Variants in ATP6V1E1 observed in about 807,000 individuals in gnomAD.
ATP6V1E1 encodes V-type proton ATPase subunit E 1.
Under a neutral mutation model 35.2 loss-of-function variants are expected in ATP6V1E1, and 21 were observed. That is an observed-to-expected ratio of 0.60 (90% confidence interval 0.42 to 0.86). The LOEUF is 0.86. ATP6V1E1 is among the 40% of genes least tolerant of loss of function. The pLI, the probability that ATP6V1E1 is intolerant of heterozygous loss-of-function variation, is 0.00. For synonymous variants in ATP6V1E1, 83 were observed against 87.8 expected (o/e 0.95, Z 0.30); for missense variants, 183 against 272.6 (o/e 0.67, Z 2.32).
chr22:17,604,385 A>T (rs920542601), intron 4 of ATP6V1E1, among the ~76,000 whole-genome samples: 4 of 152,172 alleles, frequency 2.6e-5, no homozygotes, highest in Admixed American at 2.6e-4. Context: ...ACTGAACCTA[A>T]CTGCCCTGAG....
rs2057744006 is a variant in ATP6V1E1 at position 17,598,388 on chromosome 22, C to T, written c.436-100G>A. 3 of 966,970 alleles carry T rather than the reference C, an allele frequency of 3.1e-6. No homozygotes were observed. In the Admixed American group the frequency reaches 6.3e-5, roughly 20 times the overall value. 59.9% of individuals were successfully genotyped at this position (966,970 alleles called of 1,614,324 possible). A position where few individuals can be genotyped will look rare whatever the true frequency, so the allele number is the denominator to read the frequency against. On this transcript the variant is annotated intron_variant, in intron 6 of 8. Transcript: ENST00000253413. ...CAAGCAAGGATACCTCCATTTATCC[C>T]AGGTAAAAGAACAGAGGCACCGCTG...
chr22:17,600,418 C>CA (rs1162322824), intron 5 of ATP6V1E1, among the ~76,000 whole-genome samples: 13 of 152,080 alleles, frequency 8.5e-5, no homozygotes, highest in Non-Finnish European at 1.5e-5. Flanking sequence ...GCCTGGCTGA[C>CA]AGAGTGAGAC....
intron 8 of ATP6V1E1, among the ~76,000 whole-genome samples, chr22:17,593,771 C>A (rs1029054229): frequency 6.6e-6 from 1 of 152,180 alleles, no homozygotes; most frequent in African/African-American, 2.4e-5. Flanking sequence ...GCAGCCACAG[C>A]AATAGACTCC....
At chr22:17,610,124 TA>T (rs11438713) in intron 4 of ATP6V1E1, among the ~76,000 whole-genome samples, 4 of 151,296 alleles carry the variant, frequency 2.6e-5, no homozygotes, top group African/African-American at 9.7e-5. Context: ...CCATGCCTCT[TA>T]AAAAAAAATT....
chr22:17,596,098 C>CTCCA (rs757247634), intron 7 of ATP6V1E1, among the ~76,000 whole-genome samples: 23 of 151,952 alleles, frequency 1.5e-4, no homozygotes, highest in Non-Finnish European at 2.9e-4. Context: ...TGCCACTGCA[C>CTCCA]TCCAGCCTGG....
At chr22:17,620,176 C>T (rs2057868663) in intron 1 of ATP6V1E1, among the ~76,000 whole-genome samples, 2 of 145,402 alleles carry the variant, frequency 1.4e-5, no homozygotes, top group Admixed American at 7.0e-5. Context: ...GAGACAGAGT[C>T]TCGCTCTGCC....
intron 1 of ATP6V1E1, among the ~76,000 whole-genome samples, chr22:17,624,170 T>C (rs1001719927): frequency 6.6e-6 from 1 of 152,186 alleles, no homozygotes; most frequent in African/African-American, 2.4e-5. Flanking sequence ...CTTATGAGAA[T>C]ACAGTAAACA....
chr22:17,617,921 C>T (rs973022378), intron 2 of ATP6V1E1, among the ~76,000 whole-genome samples: 1 of 152,130 alleles, frequency 6.6e-6, no homozygotes, highest in Non-Finnish European at 1.5e-5. Flanking sequence ...GCGATTCTCC[C>T]GCCTCAGCCT....
intron 8 of ATP6V1E1, 84 bp from the exon 9 acceptor site, chr22:17,592,820 TGAG>T (rs2057711124): frequency 9.7e-7 from 1 of 1,025,906 alleles, no homozygotes; most frequent in African/African-American, 1.8e-5. Flanking sequence ...TTTTTTTTTT[TGAG>T]ACGGAGTCTC....
chr22:17,603,843 C>T (rs1369153498), intron 4 of ATP6V1E1, among the ~76,000 whole-genome samples: 2 of 152,104 alleles, frequency 1.3e-5, no homozygotes, highest in Non-Finnish European at 1.5e-5. Flanking sequence ...CCAAAAGAGC[C>T]CTCTAACATT....
At chr22:17,626,905 G>A (rs2057909391) in intron 1 of ATP6V1E1, among the ~76,000 whole-genome samples, 1 of 151,814 alleles carries the variant, frequency 6.6e-6, no homozygotes, top group African/African-American at 2.4e-5. Flanking sequence ...GAACTCCTGG[G>A]ATCAAGCGAT....
At chr22:17,614,672 A>AG (rs1291153331) in intron 2 of ATP6V1E1, among the ~76,000 whole-genome samples, 1 of 151,474 alleles carries the variant, frequency 6.6e-6, no homozygotes, top group Non-Finnish European at 1.5e-5. Flanking sequence ...ACTCTTAAAA[A>AG]AAAAAAAAAA....
intron 2 of ATP6V1E1, among the ~76,000 whole-genome samples, chr22:17,613,839 C>A (rs1412648126): frequency 1.3e-5 from 2 of 152,100 alleles, no homozygotes; most frequent in Admixed American, 6.6e-5. Flanking sequence ...CGGTGGCAGG[C>A]GCCTGTAGTC....
At chr22:17,604,739 G>A (rs893939082) in intron 4 of ATP6V1E1, among the ~76,000 whole-genome samples, 39 of 151,678 alleles carry the variant, frequency 2.6e-4, no homozygotes, top group Admixed American at 2.4e-3. Flanking sequence ...GGCTGGTCTC[G>A]AACCCCGGAC....
intron 4 of ATP6V1E1, among the ~76,000 whole-genome samples, chr22:17,608,043 G>A (rs1014692967): frequency 2.0e-5 from 3 of 152,212 alleles, no homozygotes; most frequent in Non-Finnish European, 4.4e-5. Context: ...TCTCCATTCT[G>A]TATCCTATCC....
In ATP6V1E1 at chr22:17,594,600, T is replaced by C; in HGVS notation, c.547A>G (p.Ile183Val). 6.3e-7 allele frequency: 1 copy of C among 1,580,098 alleles called. No individual in the cohort carries two copies. The highest frequency in any genetic ancestry group is 8.6e-7 in the Non-Finnish European group (1 of 1,166,434). Residue 183 changes from isoleucine to valine, a missense_variant, in exon 8 of 9, where the codon ATC (isoleucine) becomes GTC (valine). Physicochemically the swap from Ile to Val is conservative, Grantham distance 29. Coordinates refer to ENST00000253413, the MANE Select transcript of ATP6V1E1 (RefSeq NM_001696.4). ...TTTATTTTACGATCTCCATTATAGA[T>C]CTCAACTCCACCAGCTCTGCAAAAA... The part of the protein sequence containing the change: ...LPEDIAGGVE[I>V]YNGDRKIKVS...
intron 4 of ATP6V1E1, among the ~76,000 whole-genome samples, chr22:17,612,346 A>G (rs576693432): frequency 2.0e-5 from 3 of 152,268 alleles, no homozygotes; most frequent in African/African-American, 7.2e-5. Context: ...TTAGAGGACT[A>G]TAATACTTTC....
rs117737373 is a variant in ATP6V1E1 at position 17,621,417 on chromosome 22, C to T, written c.34-1891G>A. ...CTCCGCCTTCTACAGCTCAAGCGAT[C>T]CCCCCGTAGCTGGGACCATAGGTGC... On this transcript the variant is annotated intron_variant, in intron 1 of 8. Coordinates refer to ENST00000253413, the MANE Select transcript of ATP6V1E1 (RefSeq NM_001696.4). 6.4e-3 allele frequency among the ~76,000 whole-genome samples: 968 copies of T among 152,180 alleles called. 7 individuals are homozygous for T. Among genetic ancestry groups the T allele is most frequent in the Non-Finnish European group, 0.011 (730 of 67,988 alleles).
intron 1 of ATP6V1E1, among the ~76,000 whole-genome samples, chr22:17,620,146 CTTTGT>C (rs1478144158): frequency 6.9e-6 from 1 of 143,938 alleles, no homozygotes; most frequent in Non-Finnish European, 1.5e-5. Flanking sequence ...GCAACCTTCC[CTTTGT>C]TTTTTTTTTT....
Sources: allele counts gnomAD v4.1 joint callset (sites outside exome capture counted in the v4.1 genomes callset), GRCh38; gene constraint gnomAD v4.1.1; transcripts MANE v1.5; gene names NCBI Gene and HGNC (gene_info 2026-07-23, HGNC 2026-07-21).